The following LGALS3 variants were observed in gnomAD, a reference collection of about 807,000 sequenced individuals.
LGALS3 encodes galectin-3.
LGALS3 carries 18 observed loss-of-function variants against 20.7 expected under a neutral mutation model. That is an observed-to-expected ratio of 0.87 (90% CI 0.60 to 1.29). LGALS3 has a LOEUF of 1.29. Among genes scored for constraint, LGALS3 ranks in the 50% most tolerant of loss-of-function variants. LGALS3 has a pLI of 0.00. For missense variants in LGALS3, 315 were observed against 314.7 expected (o/e 1.00, Z -0.01); for synonymous variants, 112 against 119.6 (o/e 0.94, Z 0.42).
At chr14:55,144,558 T>G (rs996549421) in intron 5 of LGALS3, among the ~76,000 whole-genome samples, 6 of 152,200 alleles carry the variant, frequency 3.9e-5, no homozygotes, top group Admixed American at 1.3e-4. Context: ...TTGGAATTTT[T>G]TTGTTGTTGC....
chr14:55,143,852 GC>G (rs1370798100), intron 5 of LGALS3: 1 of 137,946 alleles, frequency 7.2e-6, no homozygotes, highest in East Asian at 2.4e-4. Context: ...ACAAATCTTT[GC>G]TTCCTAGAAG....
intron 3 of LGALS3, among the ~76,000 whole-genome samples, chr14:55,139,620 T>G (rs768367127): frequency 5.3e-5 from 8 of 152,112 alleles, no homozygotes; most frequent in Non-Finnish European, 8.8e-5. Flanking sequence ...AGACTCGGAT[T>G]TTTGAGACCT....
chr14:55,140,485 A>T (rs894492918), intron 4 of LGALS3, 122 bp downstream of exon 4: 3 of 606,658 alleles, frequency 4.9e-6, no homozygotes, highest in East Asian at 5.6e-5. Flanking sequence ...GTAAAATTTT[A>T]AAAACTACAT....
At chr14:55,132,304 T>G (rs1483213804) in intron 1 of LGALS3, among the ~76,000 whole-genome samples, 1 of 146,348 alleles carries the variant, frequency 6.8e-6, no homozygotes, top group African/African-American at 2.5e-5. Context: ...TTTTTTGAAG[T>G]TTTTTTTTTT....
chr14:55,137,736 C>A, intron 2 of LGALS3: 1 of 1,331,722 alleles, frequency 7.5e-7, no homozygotes, highest in Middle Eastern at 2.8e-4. Context: ...GTTTTTCTCA[C>A]GGTGATGAAA....
At chr14:55,134,726 C>A (rs1173834457) in intron 1 of LGALS3, among the ~76,000 whole-genome samples, 1 of 152,130 alleles carries the variant, frequency 6.6e-6, no homozygotes, top group Non-Finnish European at 1.5e-5. Flanking sequence ...CAGGATGTAA[C>A]GTAAATGAAA....
intron 2 of LGALS3, chr14:55,137,785 T>C: frequency 7.7e-7 from 1 of 1,299,296 alleles, no homozygotes; most frequent in Non-Finnish European, 9.7e-7. Flanking sequence ...AACTCCTGAC[T>C]TGAGCTAATT....
At chr14:55,132,941 T>G (rs533311373) in intron 1 of LGALS3, among the ~76,000 whole-genome samples, 7 of 152,364 alleles carry the variant, frequency 4.6e-5, no homozygotes, top group African/African-American at 1.7e-4. Context: ...AAAGTACACT[T>G]TATTGGTTAA....
intron 3 of LGALS3, among the ~76,000 whole-genome samples, chr14:55,139,793 C>T (rs552178330): frequency 2.0e-5 from 3 of 152,294 alleles, no homozygotes; most frequent in African/African-American, 7.2e-5. Context: ...ACAGTGTTAA[C>T]AGTGTTCATT....
At chr14:55,131,724 T>C (rs1199846448) in intron 1 of LGALS3, among the ~76,000 whole-genome samples, 2 of 152,212 alleles carry the variant, frequency 1.3e-5, no homozygotes, top group African/African-American at 2.4e-5. Flanking sequence ...CCAAGTGTCA[T>C]GTGTTCTCTT....
chr14:55,132,961 A>G (rs920616788), intron 1 of LGALS3, among the ~76,000 whole-genome samples: 1 of 152,250 alleles, frequency 6.6e-6, no homozygotes, highest in African/African-American at 2.4e-5. Context: ...AAATGTCATT[A>G]TAATTAGCAA....
At chr14:55,143,050 A>G (rs1053750655) in intron 5 of LGALS3, among the ~76,000 whole-genome samples, 1 of 152,268 alleles carries the variant, frequency 6.6e-6, no homozygotes, top group Non-Finnish European at 1.5e-5. Context: ...TCTTTATGGT[A>G]CAGTTATACT....
Position 55,137,398 on chromosome 14 carries a change from G to A in LGALS3, c.18+7G>A, listed in dbSNP as rs115891972. 343 of 1,614,198 alleles carry A rather than the reference G, an allele frequency of 2.1e-4. 1 individual carries two copies. In the African/African-American group the frequency reaches 4.2e-3, roughly 20 times the overall value. Reference sequence around the variant, plus strand: ...AATGGCAGACAATTTTTCGGTAAGTGTTTTATGCCTGTTTCTTCCCCTTGA... The same window carrying A: ...AATGGCAGACAATTTTTCGGTAAGTATTTTATGCCTGTTTCTTCCCCTTGA... On this transcript the variant is annotated splice_region_variant and intron_variant, in intron 2 of 5. Coordinates refer to ENST00000254301, the MANE Select transcript of LGALS3 (RefSeq NM_002306.4).
At chr14:55,131,577 G>C (rs542476087) in intron 1 of LGALS3, among the ~76,000 whole-genome samples, 1 of 152,128 alleles carries the variant, frequency 6.6e-6, no homozygotes, top group African/African-American at 2.4e-5. Context: ...TCCTGTGATC[G>C]TTTGGGACAC....
At chr14:55,143,970 AT>A (rs1451783106) in intron 5 of LGALS3, among the ~76,000 whole-genome samples, 2 of 152,208 alleles carry the variant, frequency 1.3e-5, no homozygotes, top group Non-Finnish European at 2.9e-5. Flanking sequence ...CATGTTTACA[AT>A]TTAGATATTG....
At chr14:55,137,495 T>C (rs1881442365) in intron 2 of LGALS3, 104 bp downstream of exon 2, 1 of 1,611,708 alleles carries the variant, frequency 6.2e-7, no homozygotes, top group East Asian at 2.2e-5. Context: ...TCCCACTGCG[T>C]GGCTTCCCCT....
chr14:55,132,303 G>GT (rs879913641), intron 1 of LGALS3, among the ~76,000 whole-genome samples: 281 of 146,596 alleles, frequency 1.9e-3, no homozygotes, highest in Middle Eastern at 3.5e-3. Context: ...ATTTTTTGAA[G>GT]TTTTTTTTTT....
chr14:55,142,784 A>G (rs201941412), intron 5 of LGALS3, 35 bp downstream of exon 5: 6 of 1,527,506 alleles, frequency 3.9e-6, no homozygotes, highest in Middle Eastern at 3.5e-4. Flanking sequence ...TTGATAATGT[A>G]TATTTCTCAT....
chr14:55,132,339 C>G (rs925051949), intron 1 of LGALS3, among the ~76,000 whole-genome samples: 21 of 150,794 alleles, frequency 1.4e-4, no homozygotes, highest in Non-Finnish European at 2.5e-4. Context: ...TCAAAATTCT[C>G]TGATCCTGGA....
Sources: gnomAD v4.1 joint callset for allele counts (sites outside exome capture counted in the v4.1 genomes callset) on GRCh38, gnomAD v4.1.1 for gene constraint, MANE v1.5 for transcripts, NCBI Gene and HGNC (gene_info 2026-07-23, HGNC 2026-07-21) for gene names.